LRRC7: variants seen among roughly 807,000 people sequenced by gnomAD.
LRRC7 encodes the protein leucine-rich repeat-containing protein 7.
Under a neutral mutation model 175.7 loss-of-function variants are expected in LRRC7, and 23 were observed. The observed-to-expected ratio is 0.13, with a 90% confidence interval of 0.09 to 0.19. LRRC7 has a LOEUF of 0.19. Ranked by LOEUF, LRRC7 falls within the 10% of genes least tolerant of loss-of-function variation. LRRC7 has a pLI of 1.00. For missense variants in LRRC7, 1,354 were observed against 1,904.7 expected, an observed-to-expected ratio of 0.71 and a Z score of 5.38; for synonymous variants, 685 against 680.9, an observed-to-expected ratio of 1.01 and a Z score of -0.09.
intron 7 of LRRC7, among the ~76,000 whole-genome samples, chr1:69,842,457 ATAAAT>A (rs1294258440): frequency 2.6e-5 from 4 of 152,176 alleles, no homozygotes; most frequent in Non-Finnish European, 4.4e-5. Context: ...AAAAAGAAAC[ATAAAT>A]TAAGGTAACA....
chr1:70,090,017 A>C (rs1663904720), intron 25 of LRRC7, among the ~76,000 whole-genome samples, 198 bp downstream of exon 25: 1 of 152,126 alleles, frequency 6.6e-6, no homozygotes, highest in Non-Finnish European at 1.5e-5. Flanking sequence ...GAATAAAGGG[A>C]AAAGTCTCTA....
chr1:69,803,821 T>C (rs932952567), intron 4 of LRRC7, among the ~76,000 whole-genome samples: 12 of 151,356 alleles, frequency 7.9e-5, no homozygotes, highest in African/African-American at 2.7e-4. Flanking sequence ...AGTTTTCTCT[T>C]TCATAAATCT....
At chr1:69,951,262 G>A (rs946460318) in intron 8 of LRRC7, among the ~76,000 whole-genome samples, 2 of 151,956 alleles carry the variant, frequency 1.3e-5, no homozygotes, top group Non-Finnish European at 2.9e-5. Flanking sequence ...AGTCAGTATG[G>A]CTGTTACTAA....
chr1:69,728,129 T>C lies in LRRC7; in HGVS notation c.101-32062T>C, dbSNP rs573425954. ...TAGATTTATTTCTCTTTTTAATGTA[T>C]TGATAGAATAGTTTAATATTTAAGA... On this transcript the variant is annotated intron_variant, in intron 2 of 26. Coordinates refer to ENST00000651989, the MANE Select transcript of LRRC7 (RefSeq NM_001370785.2). 4.6e-5 allele frequency among the ~76,000 whole-genome samples: 7 copies of C among 152,278 alleles called. No homozygotes were observed. The South Asian group carries it at 1.2e-3, about 27-fold the overall frequency.
At position 69,961,481 on chromosome 1, in the gene LRRC7, A is replaced by G. The variant is rs559700004; in HGVS notation, c.712-18898A>G. Among the ~76,000 whole-genome samples, 5 of 152,354 alleles carry G rather than the reference A, an allele frequency of 3.3e-5. No individual in the cohort carries two copies. In the East Asian group the frequency reaches 5.8e-4, roughly 18 times the overall value. The stretch of plus-strand genomic sequence containing the variant: ...ATTCTTCGCAGAACTAGAAAAAACT[A>G]TTTTAAATTCATATGGAACAAAAAA... On this transcript the variant is annotated intron_variant, in intron 8 of 26. Transcript: ENST00000651989.
Position 70,038,548 on chromosome 1 carries a change from A to G in LRRC7, c.2724A>G (p.Pro908=), listed in dbSNP as rs747827357. The change falls in exon 21 of 27, where the codon CCA becomes CCG. Residue 908 remains proline (P), a synonymous_variant. Transcript: ENST00000651989. ...TAGAGACAACCCCCACTACCAGCCC[A>G]TTGCCTGAAAGGAAAGAACATATAA... The part of the protein sequence containing the change: ...SKLETTPTTS[P]LPERKEHIKE... 8.7e-6 allele frequency: 14 copies of G among 1,613,956 alleles called. No individual in the cohort carries two copies. The highest frequency in any genetic ancestry group is 1.1e-5 in the Non-Finnish European group (13 of 1,179,986).
chr1:69,742,017 C>A (rs1668766329), intron 2 of LRRC7, among the ~76,000 whole-genome samples: 1 of 151,894 alleles, frequency 6.6e-6, no homozygotes, highest in Non-Finnish European at 1.5e-5. Flanking sequence ...GAGACTGCAA[C>A]ATAATTTTAA....
At chr1:69,569,315 C>T (rs1645635318) in intron 1 of LRRC7, among the ~76,000 whole-genome samples, 1 of 152,026 alleles carries the variant, frequency 6.6e-6, no homozygotes, top group South Asian at 2.1e-4. Flanking sequence ...TTGCCTCCCT[C>T]CCTGTCAGCT....
At chr1:69,606,153 A>AT (rs1182549807) in intron 1 of LRRC7, among the ~76,000 whole-genome samples, 2 of 152,082 alleles carry the variant, frequency 1.3e-5, no homozygotes, top group African/African-American at 2.4e-5. Flanking sequence ...AGCATTTGAG[A>AT]TTTTTTACTA....
At chr1:69,601,262 C>A (rs1647059622) in intron 1 of LRRC7, among the ~76,000 whole-genome samples, 1 of 152,124 alleles carries the variant, frequency 6.6e-6, no homozygotes, top group South Asian at 2.1e-4. Flanking sequence ...TATAGATACA[C>A]ATATTCAGAA....
At chr1:70,074,739 A>G (rs889144573) in intron 23 of LRRC7, among the ~76,000 whole-genome samples, 5 of 152,220 alleles carry the variant, frequency 3.3e-5, no homozygotes, top group African/African-American at 1.2e-4. Context: ...ACATATTGCC[A>G]AATAATAATT....
At chr1:70,034,228 T>G (rs922277443) in intron 18 of LRRC7, among the ~76,000 whole-genome samples, 9 of 152,176 alleles carry the variant, frequency 5.9e-5, no homozygotes, top group African/African-American at 1.9e-4. Flanking sequence ...TCCTCCCTTC[T>G]GTCACCTTAA....
At chr1:70,013,175 T>G (rs1656666815) in intron 13 of LRRC7, 86 bp downstream of exon 13, 2 of 723,472 alleles carry the variant, frequency 2.8e-6, no homozygotes, top group Admixed American at 4.7e-5. Context: ...TGATAACATT[T>G]TCTGCGTTTC....
chr1:69,920,678 T>C (rs573059587), intron 7 of LRRC7, among the ~76,000 whole-genome samples: 16 of 152,276 alleles, frequency 1.1e-4, no homozygotes, highest in Admixed American at 2.6e-4. Flanking sequence ...ATCCCAGAAA[T>C]TGCAGAAAGA....
chr1:70,025,837 G>A (rs568060113), intron 17 of LRRC7, among the ~76,000 whole-genome samples: 1 of 144,534 alleles, frequency 6.9e-6, no homozygotes, highest in African/African-American at 2.5e-5. Flanking sequence ...TTTAAGGGGG[G>A]GGGGGTCCTC....
At chr1:69,688,645 T>TTTTA (rs111722010) in intron 2 of LRRC7, among the ~76,000 whole-genome samples, 3,478 of 148,310 alleles carry the variant, frequency 0.023, 47 homozygotes, top group Non-Finnish European at 0.037. Context: ...TTTTTTTTTT[T>TTTTA]AAAAAAAACC....
In LRRC7 at chr1:69,686,924, T is replaced by TA. The variant is rs750301913; in HGVS notation, c.100+8449dup. ...AGGGATAGAAAAAGAAATACCATGC[T>TA]AAATTATTTAAATGAAAGCTAGAGT... is the stretch of plus-strand genomic sequence containing the variant. On this transcript the variant is annotated intron_variant, in intron 2 of 26. Coordinates refer to ENST00000651989, the MANE Select transcript of LRRC7 (RefSeq NM_001370785.2). 2.1e-3 allele frequency among the ~76,000 whole-genome samples: 322 copies of TA among 152,208 alleles called. 2 individuals are homozygous for TA. The highest frequency in any genetic ancestry group is 2.8e-3 in the Non-Finnish European group (188 of 67,992).
chr1:69,780,925 T>C (rs1011238162), intron 3 of LRRC7, among the ~76,000 whole-genome samples: 5 of 152,186 alleles, frequency 3.3e-5, no homozygotes, highest in African/African-American at 9.7e-5. Context: ...AGGAAAAGGA[T>C]TTATCTTTTG....
intron 7 of LRRC7, among the ~76,000 whole-genome samples, chr1:69,880,934 T>C (rs1686539287): frequency 6.6e-6 from 1 of 152,220 alleles, no homozygotes; most frequent in South Asian, 2.1e-4. Context: ...GCATCTTGCA[T>C]TTATAACTGT....
Sources: gnomAD v4.1 joint callset for allele counts (sites outside exome capture counted in the v4.1 genomes callset) on GRCh38, gnomAD v4.1.1 for gene constraint, MANE v1.5 for transcripts, NCBI Gene and HGNC (gene_info 2026-07-23, HGNC 2026-07-21) for gene names.